CACNA1B: variants seen among roughly 807,000 people sequenced by gnomAD.
The protein encoded by CACNA1B is voltage-dependent N-type calcium channel subunit alpha-1B.
Under a neutral mutation model 247.2 loss-of-function variants are expected in CACNA1B, and 70 were observed. The observed-to-expected ratio is 0.28, with a 90% CI of 0.23 to 0.35. The LOEUF is 0.35. CACNA1B is among the 10% of genes least tolerant of loss of function. The pLI is 1.00. For synonymous variants in CACNA1B, 1,231 were observed against 1,294.4 expected (o/e 0.95, Z 1.05); for missense variants, 2,367 against 3,197.4 (o/e 0.74, Z 6.26).
intron 6 of CACNA1B, among the ~76,000 whole-genome samples, chr9:137,927,245 C>CT (rs71387876): frequency 7.3e-5 from 10 of 136,440 alleles, no homozygotes; most frequent in Admixed American, 6.6e-4. Flanking sequence ...CTTTCTTCTT[C>CT]TTTTTTTTTT....
At chr9:137,936,379 A>G (rs1480114147) in intron 6 of CACNA1B, among the ~76,000 whole-genome samples, 2 of 152,172 alleles carry the variant, frequency 1.3e-5, no homozygotes, top group Non-Finnish European at 2.9e-5. Context: ...CATTCTGGAT[A>G]TTAGCCCTTT....
chr9:138,036,313 A>G (rs1589083415), intron 20 of CACNA1B, among the ~76,000 whole-genome samples: 1 of 152,022 alleles, frequency 6.6e-6, no homozygotes, highest in Middle Eastern at 3.4e-3. Context: ...CTTATTTTTT[A>G]TATTTTTAGT....
At chr9:137,944,376 G>A (rs1186571940) in intron 6 of CACNA1B, among the ~76,000 whole-genome samples, 2 of 152,024 alleles carry the variant, frequency 1.3e-5, no homozygotes, top group African/African-American at 2.4e-5. Flanking sequence ...ATAATTTACT[G>A]CCTTATTCTC....
intron 6 of CACNA1B, among the ~76,000 whole-genome samples, chr9:137,951,852 G>A (rs1247621299): frequency 1.3e-5 from 2 of 152,218 alleles, no homozygotes; most frequent in Non-Finnish European, 2.9e-5. Context: ...GTGGACTTGG[G>A]CCTGTGGGCC....
intron 15 of CACNA1B, among the ~76,000 whole-genome samples, chr9:137,991,267 T>G (rs1958429280): frequency 6.6e-6 from 1 of 152,158 alleles, no homozygotes; most frequent in African/African-American, 2.4e-5. Flanking sequence ...AGGGACACAC[T>G]TAGAGGAATG....
chr9:138,011,180 C>T lies in CACNA1B; in HGVS notation c.2160+1103C>T, dbSNP rs551676593. On this transcript the variant is annotated intron_variant, in intron 17 of 46. Transcript: ENST00000371372. The surrounding 1 kb of genome is among the most constrained non-coding windows in gnomAD (Gnocchi z 4.2). ...CTGGGCCGCTTGGGTTGGGGGAGCC[C>T]AAGCCCCCACAGAGCTCTCCTTGGT... Among the ~76,000 whole-genome samples the T allele has an allele frequency of 2.6e-5, 4 of 152,322 alleles. No homozygotes were observed. In the East Asian group the frequency reaches 5.8e-4, roughly 22 times the overall value.
intron 26 of CACNA1B, among the ~76,000 whole-genome samples, chr9:138,056,018 T>C (rs1323099083): frequency 6.7e-6 from 1 of 148,878 alleles, no homozygotes; most frequent in Admixed American, 6.7e-5. Flanking sequence ...AGTGTAAGAC[T>C]CTGTCTCAAA....
At chr9:137,923,456 C>T (rs1346646872) in intron 6 of CACNA1B, among the ~76,000 whole-genome samples, 4 of 145,136 alleles carry the variant, frequency 2.8e-5, no homozygotes, top group East Asian at 2.2e-4. Context: ...GGTGGTATTC[C>T]GTGGTGCCAG....
rs1400356066 is a variant in CACNA1B, at chr9:137,914,576, G to C, written c.623-78G>C. The C allele has an allele frequency of 2.4e-6, 3 of 1,246,868 alleles. No individual in the cohort carries two copies. Among genetic ancestry groups the C allele is most frequent in the Non-Finnish European group, 3.5e-6 (3 of 868,946 alleles). 77.2% of individuals were successfully genotyped at this position (1,246,868 alleles called of 1,614,324 possible). A position where few individuals can be genotyped will look rare whatever the true frequency, so the allele number is the denominator to read the frequency against. On this transcript the variant is annotated intron_variant, in intron 4 of 46. Transcript: ENST00000371372. This position sits in a 1 kb window ranked among gnomAD's most constrained non-coding sequence, Gnocchi z 4.3. The stretch of plus-strand genomic sequence containing the variant: ...TTGCTGTCCCTGCTAGGTTCCTGCT[G>C]TTCTGTCCCTGCCCCCACCAAATTC...
chr9:138,075,351 A>G (rs1960279027), intron 34 of CACNA1B, among the ~76,000 whole-genome samples: 1 of 152,242 alleles, frequency 6.6e-6, no homozygotes, highest in African/African-American at 2.4e-5. Context: ...GGCTGAGTAC[A>G]ATTACTGACC....
chr9:138,122,012 C>G lies in CACNA1B; in HGVS notation c.*13C>G, dbSNP rs762095379. ...CCACTGGTGCTAGCTGCACCGTGAC[C>G]GCTCAGACGCCTGCATGCAGCAGGC... On this transcript the variant is annotated 3_prime_UTR_variant, in exon 47 of 47. Transcript: ENST00000371372. 1.3e-6 allele frequency: 2 copies of G among 1,586,276 alleles called. No individual in the cohort carries two copies. Among genetic ancestry groups the G allele is most frequent in the Non-Finnish European group, 1.7e-6 (2 of 1,171,452 alleles).
intron 13 of CACNA1B, among the ~76,000 whole-genome samples, chr9:137,985,575 G>A (rs1958347964): frequency 6.6e-6 from 1 of 152,250 alleles, no homozygotes; most frequent in African/African-American, 2.4e-5. Context: ...AATCCATGGA[G>A]GATAGCGGGG....
At position 138,025,173 on chromosome 9, in the gene CACNA1B, G is replaced by GT; in HGVS notation, c.3286+2dup. On this transcript the variant is annotated splice_donor_variant, in intron 20 of 46. Coordinates refer to ENST00000371372, the MANE Select transcript of CACNA1B (RefSeq NM_000718.4). LOFTEE classifies it high-confidence loss of function. ...CTTGGGGAAGCCACGGTCGTTCCCA[G>GT]TGAGTATCTCCCTGTGCCAGTGGGG... 1 of 1,598,512 alleles carries GT rather than the reference G, an allele frequency of 6.3e-7. No homozygotes were observed. Among genetic ancestry groups the GT allele is most frequent in the Non-Finnish European group, 8.6e-7 (1 of 1,169,562 alleles).
At chr9:138,103,188 CAA>C (rs1039023893) in intron 38 of CACNA1B, among the ~76,000 whole-genome samples, 6 of 152,172 alleles carry the variant, frequency 3.9e-5, no homozygotes, top group African/African-American at 1.4e-4. Flanking sequence ...GGGCTCAGAA[CAA>C]AGCCCTAAGC....
At chr9:138,103,726 C>T (rs1480807998) in intron 38 of CACNA1B, among the ~76,000 whole-genome samples, 1 of 152,246 alleles carries the variant, frequency 6.6e-6, no homozygotes, top group African/African-American at 2.4e-5. Flanking sequence ...TCAGCCAACA[C>T]GTGCCTAGAG....
intron 37 of CACNA1B, 124 bp downstream of exon 37, chr9:138,096,735 G>A: frequency 4.6e-6 from 4 of 878,022 alleles, no homozygotes; most frequent in Non-Finnish European, 5.2e-6. Flanking sequence ...TTGGGGCCTA[G>A]GGATCTGTCC....
In CACNA1B at chr9:137,936,255, G is replaced by GT. The variant is rs561970454; in HGVS notation, c.967-16013dup. Reference sequence around the variant, plus strand: ...TCTCTGATGACCAGTGATGATGAGCGTTTTTTCATGTGCCTGTTGGCTGCA... The same window carrying GT: ...TCTCTGATGACCAGTGATGATGAGCGTTTTTTTCATGTGCCTGTTGGCTGCA... On this transcript the variant is annotated intron_variant, in intron 6 of 46. Coordinates refer to ENST00000371372, the MANE Select transcript of CACNA1B (RefSeq NM_000718.4). Among the ~76,000 whole-genome samples, 31 of 152,244 alleles carry GT rather than the reference G, an allele frequency of 2.0e-4. No homozygotes were observed. In the East Asian group the frequency reaches 2.3e-3, roughly 11 times the overall value.
chr9:137,883,116 T>A, intron 3 of CACNA1B: 2 of 534,952 alleles, frequency 3.7e-6, no homozygotes, highest in Admixed American at 3.1e-5. Context: ...CAGTGACCTG[T>A]CCCCAGGAGG....
intron 36 of CACNA1B, among the ~76,000 whole-genome samples, chr9:138,082,771 CCTT>C (rs1455868301): frequency 2.0e-5 from 3 of 151,156 alleles, no homozygotes; most frequent in African/African-American, 4.9e-5. Context: ...TAGTGCTTGT[CCTT>C]CTCAAAAAGA....
Sources: gnomAD v4.1 joint callset for allele counts (sites outside exome capture counted in the v4.1 genomes callset) on GRCh38, gnomAD v4.1.1 for gene constraint, Gnocchi (gnomAD v3.1) non-coding constraint, MANE v1.5 for transcripts, NCBI Gene and HGNC (gene_info 2026-07-23, HGNC 2026-07-21) for gene names.